The following ITGB6 variants were observed in gnomAD, a reference collection of about 807,000 sequenced individuals.
ITGB6 encodes the protein integrin subunit beta 6, also known as integrin beta-6.
In ITGB6, 80 loss-of-function variants were observed where a neutral mutation model predicts 84.5. The observed-to-expected ratio is 0.95, with a 90% CI of 0.79 to 1.14. ITGB6 has a LOEUF of 1.14. ITGB6 is among the 50% of genes most tolerant of loss of function. The pLI, the probability that ITGB6 is intolerant of heterozygous loss-of-function variation, is 0.00. For synonymous variants in ITGB6, 383 were observed against 354.9 expected, an observed-to-expected ratio of 1.08 and a Z score of -0.89; for missense variants, 1,006 against 968.0, an observed-to-expected ratio of 1.04 and a Z score of -0.52.
intron 4 of ITGB6, among the ~76,000 whole-genome samples, chr2:160,187,084 C>A (rs552494559): frequency 5.9e-5 from 9 of 152,136 alleles, no homozygotes; most frequent in Admixed American, 2.6e-4. Flanking sequence ...CCTGTACGTT[C>A]TGCAAACGTA....
At chr2:160,160,641 G>C (rs1055636805) in intron 7 of ITGB6, among the ~76,000 whole-genome samples, 4 of 152,084 alleles carry the variant, frequency 2.6e-5, no homozygotes, top group Non-Finnish European at 5.9e-5. Flanking sequence ...CTTATGTCCC[G>C]GGGGTTGTCA....
intron 13 of ITGB6, among the ~76,000 whole-genome samples, chr2:160,111,428 C>T (rs577169660): frequency 5.9e-5 from 9 of 151,980 alleles, no homozygotes; most frequent in Non-Finnish European, 1.2e-4. Context: ...CCCTAATGAA[C>T]GGCCACAAGA....
At chr2:160,170,766 G>T (rs1332058593) in intron 6 of ITGB6, among the ~76,000 whole-genome samples, 1 of 152,170 alleles carries the variant, frequency 6.6e-6, no homozygotes, top group Non-Finnish European at 1.5e-5. Flanking sequence ...GGCTTCTGTG[G>T]ATTTGTTACA....
chr2:160,105,612 T>C (rs1696877776), intron 14 of ITGB6, among the ~76,000 whole-genome samples: 1 of 152,250 alleles, frequency 6.6e-6, no homozygotes, highest in African/African-American at 2.4e-5. Context: ...TTAACTTCTC[T>C]GAGCCTTAGT....
At chr2:160,153,596 A>C (rs1684510532) in intron 7 of ITGB6, among the ~76,000 whole-genome samples, 1 of 152,234 alleles carries the variant, frequency 6.6e-6, no homozygotes, top group Non-Finnish European at 1.5e-5. Flanking sequence ...ATGGGATCTA[A>C]TTAAACTAAA....
In ITGB6 at chr2:160,107,769, T is replaced by C. The variant is rs771345918; in HGVS notation, c.2178A>G (p.Leu726=). The C allele has an allele frequency of 1.9e-6, 3 of 1,613,998 alleles. No homozygotes were observed. The highest frequency in any genetic ancestry group is 2.2e-5 in the South Asian group (2 of 91,068). Residue 726 remains leucine, a synonymous_variant, in exon 14 of 15, where the codon CTA becomes CTG. Transcript: ENST00000283249. ...ACACCAGTAGCTTCCAGATGCACAG[T>C]AGGACAACCCCGATGAGAAGAATAG... ...SLAILLIGVV[L]LCIWKLLVSF...
chr2:160,176,031 C>G (rs1207103799), intron 4 of ITGB6, among the ~76,000 whole-genome samples: 1 of 152,098 alleles, frequency 6.6e-6, no homozygotes, highest in Admixed American at 6.5e-5. Flanking sequence ...CTGTGAGTAT[C>G]ATCATTTTCT....
chr2:160,197,679 G>A (rs577021868), intron 2 of ITGB6, among the ~76,000 whole-genome samples: 1 of 152,336 alleles, frequency 6.6e-6, no homozygotes, highest in East Asian at 1.9e-4. Context: ...AGGCCTGTGC[G>A]TGTCTGAAGC....
intron 12 of ITGB6, among the ~76,000 whole-genome samples, chr2:160,117,814 A>G (rs1184188792): frequency 1.3e-5 from 2 of 152,260 alleles, no homozygotes; most frequent in Non-Finnish European, 2.9e-5. Context: ...TAGATGCAAT[A>G]AAACATGATA....
chr2:160,189,229 A>T (rs914458911), intron 4 of ITGB6, among the ~76,000 whole-genome samples: 8 of 152,262 alleles, frequency 5.3e-5, no homozygotes, highest in African/African-American at 1.9e-4. Context: ...CTTACATGTT[A>T]GACCTAAAAC....
chr2:160,147,266 CACA>C (rs1156355701), intron 7 of ITGB6, among the ~76,000 whole-genome samples: 2 of 152,080 alleles, frequency 1.3e-5, no homozygotes, highest in African/African-American at 2.4e-5. Context: ...CCCACAAAAG[CACA>C]ACAACTATTT....
intron 10 of ITGB6, among the ~76,000 whole-genome samples, chr2:160,135,978 C>A (rs565921058): frequency 6.6e-6 from 1 of 152,170 alleles, no homozygotes; most frequent in Non-Finnish European, 1.5e-5. Flanking sequence ...CAATGCCATT[C>A]GGGACATAGG....
chr2:160,175,774 A>G (rs1870104), intron 4 of ITGB6, among the ~76,000 whole-genome samples: 46,545 of 152,168 alleles, frequency 0.31, 8,879 homozygotes, highest in Non-Finnish European at 0.42. Flanking sequence ...ATAGAAGCAC[A>G]CATAAAATAA....
Position 160,138,200 on chromosome 2 carries a change from C to T in ITGB6, c.1108-1G>A, listed in dbSNP as rs913323281. ...CCAGTTCCACCTCAGACCGCAGTTCCTTTAGTTACAACATAAAGAGTTCAG... is the reference window on the plus strand; with the variant it reads ...CCAGTTCCACCTCAGACCGCAGTTCTTTTAGTTACAACATAAAGAGTTCAG... On this transcript the variant is annotated splice_acceptor_variant, in intron 8 of 14. Transcript: ENST00000283249. LOFTEE classifies it high-confidence loss of function. 4 of 1,603,028 alleles carry T rather than the reference C, an allele frequency of 2.5e-6. No homozygotes were observed. The highest frequency in any genetic ancestry group is 1.7e-6 in the Non-Finnish European group (2 of 1,177,000).
chr2:160,140,532 A>G (rs1343688672), intron 8 of ITGB6, among the ~76,000 whole-genome samples: 1 of 152,214 alleles, frequency 6.6e-6, no homozygotes, highest in African/African-American at 2.4e-5. Flanking sequence ...GATTCGAAAA[A>G]ATGGCGTGCA....
At chr2:160,117,638 A>G (rs1682843002) in intron 12 of ITGB6, among the ~76,000 whole-genome samples, 1 of 152,176 alleles carries the variant, frequency 6.6e-6, no homozygotes, top group African/African-American at 2.4e-5. Context: ...TTCAAAAGCT[A>G]GCAGAAGGCA....
chr2:160,143,294 CATA>C (rs2105826672), intron 7 of ITGB6, among the ~76,000 whole-genome samples: 1 of 152,116 alleles, frequency 6.6e-6, no homozygotes, highest in East Asian at 1.9e-4. Flanking sequence ...AAAAAAAAAT[CATA>C]ATAATAAATT....
chr2:160,153,886 C>A (rs1684523018), intron 7 of ITGB6, among the ~76,000 whole-genome samples: 1 of 152,100 alleles, frequency 6.6e-6, no homozygotes, highest in South Asian at 2.1e-4. Flanking sequence ...CAATGAGATA[C>A]CATCTCACAC....
intron 7 of ITGB6, among the ~76,000 whole-genome samples, chr2:160,151,656 G>C (rs932023727): frequency 6.6e-6 from 1 of 152,054 alleles, no homozygotes. Context: ...ATGAATCTAG[G>C]AGCTGGCTTT....
Sources: gnomAD v4.1 joint callset for allele counts (sites outside exome capture counted in the v4.1 genomes callset) on GRCh38, gnomAD v4.1.1 for gene constraint, MANE v1.5 for transcripts, NCBI Gene and HGNC (gene_info 2026-07-23, HGNC 2026-07-21) for gene names.